ZFPM2: variants seen among roughly 807,000 people sequenced by gnomAD.
The protein encoded by ZFPM2 is zinc finger protein ZFPM2.
A neutral mutation model predicts 98.6 loss-of-function variants in ZFPM2; 20 were observed. The ratio of observed to expected loss-of-function variants is 0.20; its 90% CI spans 0.14 to 0.29. The LOEUF is 0.29. ZFPM2 is among the 10% of genes least tolerant of loss of function. The pLI is 1.00. For synonymous variants in ZFPM2, 518 were observed against 502.7 expected (o/e 1.03, Z -0.41); for missense variants, 1,310 against 1,388.6 (o/e 0.94, Z 0.90).
chr8:105,623,339 A>G (rs1816592235), intron 4 of ZFPM2, among the ~76,000 whole-genome samples: 1 of 152,086 alleles, frequency 6.6e-6, no homozygotes, highest in South Asian at 2.1e-4. Flanking sequence ...TAGTTTTGCC[A>G]TAGACTTCTT....
intron 3 of ZFPM2, among the ~76,000 whole-genome samples, chr8:105,527,957 C>G (rs1457247362): frequency 6.6e-6 from 1 of 152,094 alleles, no homozygotes; most frequent in African/African-American, 2.4e-5. Context: ...TTCTTCAGTA[C>G]TTGTGGTATG....
intron 4 of ZFPM2, among the ~76,000 whole-genome samples, chr8:105,574,442 G>A (rs528833186): frequency 6.6e-6 from 1 of 152,234 alleles, no homozygotes; most frequent in South Asian, 2.1e-4. Flanking sequence ...GTGTGTGATT[G>A]GGGATTTCAG....
intron 3 of ZFPM2, among the ~76,000 whole-genome samples, chr8:105,504,594 TAAGTTTA>T (rs975566429): frequency 2.0e-5 from 3 of 152,184 alleles, no homozygotes; most frequent in African/African-American, 7.2e-5. Flanking sequence ...AAAAACACTG[TAAGTTTA>T]ATAGATGTGG....
At chr8:105,799,539 C>G (rs1213607605) in intron 7 of ZFPM2, among the ~76,000 whole-genome samples, 1 of 152,074 alleles carries the variant, frequency 6.6e-6, no homozygotes. Context: ...AAAAAATAGG[C>G]TGAAAAACAA....
At chr8:105,622,468 G>A (rs185496849) in intron 4 of ZFPM2, among the ~76,000 whole-genome samples, 12 of 152,212 alleles carry the variant, frequency 7.9e-5, no homozygotes, top group Admixed American at 6.5e-4. Context: ...AATGAGCACA[G>A]AGATCTTGCC....
intron 3 of ZFPM2, among the ~76,000 whole-genome samples, chr8:105,459,585 C>T (rs1405564466): frequency 6.6e-6 from 1 of 152,124 alleles, no homozygotes; most frequent in East Asian, 1.9e-4. Context: ...AGTCCAAAAT[C>T]AAGGTATCAG....
At chr8:105,406,419 TG>T (rs1435106360) in intron 1 of ZFPM2, among the ~76,000 whole-genome samples, 1 of 152,068 alleles carries the variant, frequency 6.6e-6, no homozygotes, top group Non-Finnish European at 1.5e-5. Context: ...CAGCTGAAAC[TG>T]GATCCCTTCC....
chr8:105,478,412 T>G (rs1813052705), intron 3 of ZFPM2, among the ~76,000 whole-genome samples: 3 of 152,200 alleles, frequency 2.0e-5, no homozygotes, highest in African/African-American at 7.2e-5. Context: ...ATGGAATGTG[T>G]CAAAAGAAGT....
At chr8:105,694,055 C>T (rs1313039820) in intron 5 of ZFPM2, among the ~76,000 whole-genome samples, 2 of 139,268 alleles carry the variant, frequency 1.4e-5, no homozygotes, top group African/African-American at 2.8e-5. Flanking sequence ...GGTGCGATCT[C>T]GGCTCACTGC....
intron 4 of ZFPM2, among the ~76,000 whole-genome samples, chr8:105,606,017 A>C (rs1328329062): frequency 6.6e-6 from 1 of 152,084 alleles, no homozygotes; most frequent in African/African-American, 2.4e-5. Context: ...ATTTGGTTTT[A>C]AACACTGACA....
rs1196120373 is a variant in ZFPM2, at chr8:105,393,337, CCTTTCTTTCTTTCTTT to C, written c.41-25767_41-25752del. On this transcript the variant is annotated intron_variant, in intron 1 of 7. Transcript: ENST00000407775. Reference sequence around the variant, plus strand: ...TCTTCCTTCCCTCTCTCTCTCTTTGCCTTTCTTTCTTTCTTTCTTTCTTTCTTTCTTTCTTTCTTTC... The same window carrying C: ...TCTTCCTTCCCTCTCTCTCTCTTTGCCTTTCTTTCTTTCTTTCTTTCTTTC... Among the ~76,000 whole-genome samples the C allele has an allele frequency of 1.8e-3, 212 of 114,848 alleles. 1 individual carries two copies. The highest frequency in any genetic ancestry group is 3.1e-3 in the Non-Finnish European group (171 of 54,436). 75.3% of individuals were successfully genotyped at this position (114,848 alleles called of 152,430 possible).
At chr8:105,546,837 A>T in intron 3 of ZFPM2, among the ~76,000 whole-genome samples, 1 of 152,314 alleles carries the variant, frequency 6.6e-6, no homozygotes, top group African/African-American at 2.4e-5. Flanking sequence ...TCCTAGGAGT[A>T]TATAATTCCC....
intron 5 of ZFPM2, among the ~76,000 whole-genome samples, chr8:105,693,980 C>CTTTTTT (rs376834507): frequency 4.6e-3 from 542 of 118,322 alleles, no homozygotes; most frequent in Non-Finnish European, 5.6e-3. Flanking sequence ...TTTTTCTTTT[C>CTTTTTT]TTTTTTTTTT....
chr8:105,758,413 G>A (rs1406368981), intron 5 of ZFPM2, among the ~76,000 whole-genome samples: 1 of 152,046 alleles, frequency 6.6e-6, no homozygotes, highest in East Asian at 1.9e-4. Context: ...GCTTGGCTAA[G>A]TTATACCTAT....
intron 4 of ZFPM2, among the ~76,000 whole-genome samples, chr8:105,621,165 T>G (rs1816535479): frequency 6.6e-6 from 1 of 152,222 alleles, no homozygotes; most frequent in South Asian, 2.1e-4. Flanking sequence ...TCCATGAGCA[T>G]GGAATGTTCT....
intron 4 of ZFPM2, among the ~76,000 whole-genome samples, chr8:105,598,963 T>C (rs1816032289): frequency 6.6e-6 from 1 of 152,196 alleles, no homozygotes; most frequent in Non-Finnish European, 1.5e-5. Flanking sequence ...TCAGACCTTC[T>C]GCTAATTGAT....
rs1811334114 is a variant in ZFPM2 at position 105,709,601 on chromosome 8, A to T, written c.532+75244A>T. Among the ~76,000 whole-genome samples, 3 of 152,188 alleles carry T rather than the reference A, an allele frequency of 2.0e-5. No individual in the cohort carries two copies. In the South Asian group the frequency reaches 6.2e-4, roughly 32 times the overall value. ...TGGGGCAAATAAATTGTAGTCCAGG[A>T]TCAACCAGAAATTAAAATTAACTGA... On this transcript the variant is annotated intron_variant, in intron 5 of 7. Coordinates refer to ENST00000407775, the MANE Select transcript of ZFPM2 (RefSeq NM_012082.4).
At chr8:105,741,349 A>G (rs559913937) in intron 5 of ZFPM2, among the ~76,000 whole-genome samples, 2 of 152,232 alleles carry the variant, frequency 1.3e-5, no homozygotes, top group African/African-American at 2.4e-5. Flanking sequence ...AAGTTTTTCA[A>G]TGAGTTTTGC....
At chr8:105,442,236 T>C (rs186500884) in intron 2 of ZFPM2, among the ~76,000 whole-genome samples, 2,426 of 151,668 alleles carry the variant, frequency 0.016, 61 homozygotes, top group African/African-American at 0.056. Flanking sequence ...CCCAGCTACT[T>C]TGGAAGCTGA....
Sources: allele counts gnomAD v4.1 joint callset (sites outside exome capture counted in the v4.1 genomes callset), GRCh38; gene constraint gnomAD v4.1.1; transcripts MANE v1.5; gene names NCBI Gene and HGNC (gene_info 2026-07-23, HGNC 2026-07-21).